The following GRIP1 variants were observed in gnomAD, a reference collection of about 807,000 sequenced individuals.
GRIP1 encodes glutamate receptor-interacting protein 1.
A neutral mutation model predicts 129.9 loss-of-function variants in GRIP1; 45 were observed. That is an observed-to-expected ratio of 0.35 (90% CI 0.27 to 0.44). The LOEUF (loss-of-function observed/expected upper bound fraction) is 0.44. Among genes scored for constraint, GRIP1 ranks in the 20% least tolerant of loss-of-function variants. The probability of loss-of-function intolerance (pLI) is 1.00; values close to 1 mark genes in which losing one functional copy is unlikely to be tolerated. For missense variants in GRIP1, 1,196 were observed against 1,396.8 expected, an observed-to-expected ratio of 0.86 and a Z score of 2.29; for synonymous variants, 530 against 520.8, an observed-to-expected ratio of 1.02 and a Z score of -0.24.
chr12:66,403,457 T>G (rs1164814322), intron 16 of GRIP1, among the ~76,000 whole-genome samples: 1 of 152,200 alleles, frequency 6.6e-6, no homozygotes, highest in Non-Finnish European at 1.5e-5. Flanking sequence ...GATACTCAAA[T>G]TATATTTATG....
chr12:66,613,151 C>T (rs1379178865), intron 1 of GRIP1, among the ~76,000 whole-genome samples: 1 of 152,106 alleles, frequency 6.6e-6, no homozygotes, highest in East Asian at 1.9e-4. Context: ...ACTTAGTCCC[C>T]TAAACCAGAC....
rs190208799 is a variant in GRIP1 at position 66,956,163 on chromosome 12, T to C, written c.58+112887A>G. 7.6e-4 allele frequency among the ~76,000 whole-genome samples: 116 copies of C among 152,338 alleles called. No individual in the cohort carries two copies. In the South Asian group the frequency reaches 8.7e-3, roughly 11 times the overall value. On this transcript the variant is annotated intron_variant, in intron 1 of 1. Transcript: ENST00000643019. The stretch of plus-strand genomic sequence containing the variant: ...TTGCCAATTTTCCCACTAATGTCCT[T>C]TTCCACTCCTGGACAGCATGTCGCA...
rs553538072 is a variant in GRIP1 at position 66,885,704 on chromosome 12, A to G, written c.58+183346T>C. Among the ~76,000 whole-genome samples the G allele has an allele frequency of 3.9e-5, 6 of 152,206 alleles. No individual in the cohort carries two copies. The South Asian group carries it at 1.2e-3, about 32-fold the overall frequency. ...CCAGATACAGCTGGTAAGCCTGCCA[A>G]TCTCTCTCCTCTAAAGCCTCAAGTC... On this transcript the variant is annotated intron_variant, in intron 1 of 1. Transcript: ENST00000643019.
intron 22 of GRIP1, among the ~76,000 whole-genome samples, chr12:66,373,609 C>T (rs2055637576): frequency 6.6e-6 from 1 of 152,218 alleles, no homozygotes; most frequent in Non-Finnish European, 1.5e-5. Flanking sequence ...GATCTTTGAA[C>T]AACAGCCAAG....
chr12:66,500,151 A>C (rs1425876792), intron 7 of GRIP1, among the ~76,000 whole-genome samples: 1 of 152,230 alleles, frequency 6.6e-6, no homozygotes, highest in Admixed American at 6.5e-5. Context: ...AAAATGTGTC[A>C]AGTGCTTTAA....
intron 1 of GRIP1, among the ~76,000 whole-genome samples, chr12:66,797,182 TG>T (rs1419171632): frequency 2.0e-5 from 3 of 152,218 alleles, no homozygotes; most frequent in Non-Finnish European, 4.4e-5. Flanking sequence ...GGCATCATGG[TG>T]AATGATCTGG....
At chr12:66,364,288 AAAG>A (rs1248167088) in intron 23 of GRIP1, among the ~76,000 whole-genome samples, 12,340 of 98,302 alleles carry the variant, frequency 0.13, 1,382 homozygotes, top group Non-Finnish European at 0.16. Flanking sequence ...AAAAAAAAAA[AAAG>A]AAAGAAAGAA....
At chr12:66,744,341 A>AT (rs1196355400) in intron 1 of GRIP1, among the ~76,000 whole-genome samples, 2 of 151,942 alleles carry the variant, frequency 1.3e-5, no homozygotes, top group East Asian at 1.9e-4. Flanking sequence ...TAGTCATTAC[A>AT]TTTTTTCTGC....
At chr12:66,992,314 A>G (rs1406203449) in intron 1 of GRIP1, among the ~76,000 whole-genome samples, 2 of 152,184 alleles carry the variant, frequency 1.3e-5, no homozygotes, top group Non-Finnish European at 2.9e-5. Flanking sequence ...GCATTTGGCA[A>G]TCATATTTCC....
At chr12:66,631,332 G>A (rs112571053) in intron 1 of GRIP1, among the ~76,000 whole-genome samples, 4,765 of 152,214 alleles carry the variant, frequency 0.031, 82 homozygotes, top group Middle Eastern at 0.054. Context: ...TGAAGCTGGC[G>A]TTATTTCTTA....
At chr12:67,025,517 C>T (rs1373058724) in intron 1 of GRIP1, among the ~76,000 whole-genome samples, 2 of 152,220 alleles carry the variant, frequency 1.3e-5, no homozygotes, top group Non-Finnish European at 2.9e-5. Context: ...CAAGCTTACA[C>T]TTTGGCCTTC....
intron 8 of GRIP1, among the ~76,000 whole-genome samples, chr12:66,463,383 G>C (rs1037158442): frequency 6.6e-6 from 1 of 152,106 alleles, no homozygotes; most frequent in African/African-American, 2.4e-5. Context: ...TTGAGGGAAA[G>C]CGAGCAAGAG....
intron 7 of GRIP1, among the ~76,000 whole-genome samples, chr12:66,501,619 A>G (rs2060395075): frequency 6.6e-6 from 1 of 152,180 alleles, no homozygotes; most frequent in Non-Finnish European, 1.5e-5. Context: ...ATTCTTGTCT[A>G]ACTAATACAT....
chr12:66,517,461 T>A (rs17181267), intron 6 of GRIP1, among the ~76,000 whole-genome samples: 1 of 152,110 alleles, frequency 6.6e-6, no homozygotes. Flanking sequence ...ATGTTGAGAA[T>A]GGTAAGAATC....
intron 1 of GRIP1, among the ~76,000 whole-genome samples, chr12:66,798,956 T>C (rs1447879174): frequency 6.6e-6 from 1 of 152,144 alleles, no homozygotes; most frequent in African/African-American, 2.4e-5. Context: ...GGACCTTAAA[T>C]ATCATCAGAA....
intron 1 of GRIP1, among the ~76,000 whole-genome samples, chr12:66,859,083 A>C (rs952092401): frequency 2.0e-5 from 3 of 151,820 alleles, no homozygotes; most frequent in Non-Finnish European, 4.4e-5. Flanking sequence ...CATACCCTAC[A>C]CCACACTTTG....
rs548665497 is a variant in GRIP1 at position 66,575,596 on chromosome 12, T to A, written c.136+21251A>T. ...TGACAACCACCTTCATCTGGCCTCC[T>A]AGAAAGAATAGATCCTGGATAGGCT... On this transcript the variant is annotated intron_variant, in intron 2 of 24. Transcript: ENST00000359742. 5.9e-5 allele frequency among the ~76,000 whole-genome samples: 9 copies of A among 152,334 alleles called. 1 individual carries two copies. The highest frequency in any genetic ancestry group is 2.2e-4 in the African/African-American group (9 of 41,582).
intron 1 of GRIP1, among the ~76,000 whole-genome samples, chr12:67,042,950 AATGGAC>A (rs1320677236): frequency 6.6e-6 from 1 of 152,222 alleles, no homozygotes. Flanking sequence ...ACATGGGACA[AATGGAC>A]TTGTCCACAT....
chr12:66,581,994 C>T (rs546888215), intron 2 of GRIP1, among the ~76,000 whole-genome samples: 163 of 152,230 alleles, frequency 1.1e-3, no homozygotes, highest in Non-Finnish European at 1.9e-3. Context: ...AACATTGATG[C>T]AAAAATCCTC....
Sources: allele counts gnomAD v4.1 joint callset (sites outside exome capture counted in the v4.1 genomes callset), GRCh38; gene constraint gnomAD v4.1.1; transcripts MANE v1.5; gene names NCBI Gene and HGNC (gene_info 2026-07-23, HGNC 2026-07-21).